The following STK32B variants were observed in gnomAD, a reference collection of about 807,000 sequenced individuals.
The protein encoded by STK32B is serine/threonine-protein kinase 32B.
In STK32B, 43 loss-of-function variants were observed where a neutral mutation model predicts 52.6. The ratio of observed to expected loss-of-function variants is 0.82; its 90% CI spans 0.64 to 1.05. STK32B has a LOEUF of 1.05. Among genes scored for constraint, STK32B ranks in the 50% least tolerant of loss-of-function variants. The probability of loss-of-function intolerance (pLI) is 0.00; values close to 1 mark genes in which losing one functional copy is unlikely to be tolerated. For synonymous variants in STK32B, 238 were observed against 204.3 expected, an observed-to-expected ratio of 1.17 and a Z score of -1.41; for missense variants, 621 against 534.6, an observed-to-expected ratio of 1.16 and a Z score of -1.59.
chr4:5,489,621 A>ATTTTTTTTTTTTTTTTTT (rs1193462359), intron 11 of STK32B, among the ~76,000 whole-genome samples: 1 of 151,702 alleles, frequency 6.6e-6, no homozygotes, highest in East Asian at 2.0e-4. Context: ...TATTTTATTT[A>ATTTTTTTTTTTTTTTTTT]TTTTTTATTA....
chr4:5,196,242 A>G (rs1721643280), intron 3 of STK32B, among the ~76,000 whole-genome samples: 1 of 151,432 alleles, frequency 6.6e-6, no homozygotes, highest in African/African-American at 2.4e-5. Context: ...AATGACACTG[A>G]ATGCTGAGGG....
chr4:5,284,295 T>A (rs1172222985), intron 3 of STK32B, among the ~76,000 whole-genome samples: 1 of 152,052 alleles, frequency 6.6e-6, no homozygotes, highest in African/African-American at 2.4e-5. Flanking sequence ...GGAAATAGTT[T>A]TAAATGGCAA....
chr4:5,345,251 G>T (rs1197223409), intron 4 of STK32B: 1 of 150,888 alleles, frequency 6.6e-6, no homozygotes, highest in Admixed American at 6.6e-5. Flanking sequence ...TAGATAATAT[G>T]TGTACATGTT....
At chr4:5,485,168 A>T (rs1289704271) in intron 11 of STK32B, among the ~76,000 whole-genome samples, 1 of 151,890 alleles carries the variant, frequency 6.6e-6, no homozygotes, top group African/African-American at 2.4e-5. Context: ...CTCCTGGATA[A>T]TATCCTGCAG....
At chr4:5,299,270 C>CT (rs1030845069) in intron 3 of STK32B, among the ~76,000 whole-genome samples, 2 of 151,974 alleles carry the variant, frequency 1.3e-5, no homozygotes, top group Non-Finnish European at 2.9e-5. Context: ...TTCTTTTTAT[C>CT]TTTTTTTAAA....
At chr4:5,414,925 A>T (rs1007637261) in intron 5 of STK32B, among the ~76,000 whole-genome samples, 23 of 152,202 alleles carry the variant, frequency 1.5e-4, no homozygotes, top group African/African-American at 5.3e-4. Context: ...CAAGAAAACC[A>T]AACAAAAACC....
intron 4 of STK32B, among the ~76,000 whole-genome samples, chr4:5,390,545 G>A (rs936030763): frequency 1.3e-5 from 2 of 152,098 alleles, no homozygotes; most frequent in Admixed American, 6.6e-5. Flanking sequence ...CTGCTCAGAG[G>A]GCTGGTGCTC....
chr4:5,309,019 A>G (rs768878141), intron 3 of STK32B, among the ~76,000 whole-genome samples: 2 of 152,096 alleles, frequency 1.3e-5, no homozygotes, highest in African/African-American at 4.8e-5. Context: ...TCCACAAAAA[A>G]ACTCTTATGG....
At chr4:5,449,751 T>C (rs887053055) in intron 7 of STK32B, among the ~76,000 whole-genome samples, 2 of 152,082 alleles carry the variant, frequency 1.3e-5, no homozygotes, top group African/African-American at 4.8e-5. Flanking sequence ...TAGACTCTCA[T>C]GGGAGTGCAA....
upstream of STK32B, among the ~76,000 whole-genome samples, chr4:5,049,840 G>A (rs573130151): frequency 9.9e-5 from 15 of 152,262 alleles, no homozygotes; most frequent in South Asian, 3.1e-3. Flanking sequence ...ACCCGCCTCA[G>A]CCTCCCAAAG....
intron 4 of STK32B, among the ~76,000 whole-genome samples, chr4:5,346,296 C>T (rs1414399861): frequency 6.6e-6 from 1 of 152,140 alleles, no homozygotes; most frequent in African/African-American, 2.4e-5. Context: ...AGGCTCATCG[C>T]TCATTTAATA....
intron 11 of STK32B, among the ~76,000 whole-genome samples, chr4:5,491,710 A>C (rs1314771294): frequency 1.3e-5 from 2 of 152,006 alleles, no homozygotes; most frequent in Non-Finnish European, 2.9e-5. Flanking sequence ...TTATGGTTTT[A>C]GGTCTAACAT....
intron 4 of STK32B, among the ~76,000 whole-genome samples, chr4:5,371,623 C>G (rs750651195): frequency 6.6e-5 from 10 of 152,166 alleles, no homozygotes; most frequent in Non-Finnish European, 1.2e-4. Context: ...CCAGCCCTGG[C>G]TGTGCTCTGC....
chr4:5,161,404 A>G (rs545148262), intron 2 of STK32B, among the ~76,000 whole-genome samples: 1 of 152,348 alleles, frequency 6.6e-6, no homozygotes, highest in South Asian at 2.1e-4. Flanking sequence ...AGGTGGCTCC[A>G]TGATAGGAGG....
chr4:5,038,264 T>C, the STK32B span, among the ~76,000 whole-genome samples: 1 of 152,152 alleles, frequency 6.6e-6, no homozygotes. Flanking sequence ...CAAGGAAGGA[T>C]GACGATGACA....
At chr4:5,364,604 C>T (rs116684806) in intron 4 of STK32B, among the ~76,000 whole-genome samples, 6 of 152,170 alleles carry the variant, frequency 3.9e-5, no homozygotes, top group African/African-American at 9.7e-5. Context: ...GCCTGAGTCA[C>T]GTGACTATCC....
intron 3 of STK32B, among the ~76,000 whole-genome samples, chr4:5,287,989 A>C (rs1728660133): frequency 6.6e-6 from 1 of 152,174 alleles, no homozygotes; most frequent in Non-Finnish European, 1.5e-5. Flanking sequence ...CTTGTTCCAT[A>C]AAAGTTGAAT....
intron 3 of STK32B, among the ~76,000 whole-genome samples, chr4:5,294,079 TCAAAGA>T (rs1468659188): frequency 9.8e-5 from 15 of 152,326 alleles, no homozygotes; most frequent in African/African-American, 3.1e-4. Flanking sequence ...GTCAAGTTTG[TCAAAGA>T]TCAGATGGTT....
chr4:5,261,024 G>A (rs944095310), intron 3 of STK32B, among the ~76,000 whole-genome samples: 2 of 152,172 alleles, frequency 1.3e-5, no homozygotes, highest in African/African-American at 4.8e-5. Flanking sequence ...GCCCAAGGAA[G>A]GGGGACACGT....
Sources: allele counts gnomAD v4.1 joint callset (sites outside exome capture counted in the v4.1 genomes callset), GRCh38; gene constraint gnomAD v4.1.1; transcripts MANE v1.5; gene names NCBI Gene and HGNC (gene_info 2026-07-23, HGNC 2026-07-21).